The following CEMIP variants were observed in gnomAD, a reference collection of about 807,000 sequenced individuals.
CEMIP encodes the protein cell migration inducing hyaluronidase 1, also known as cell migration-inducing and hyaluronan-binding protein.
CEMIP carries 105 observed loss-of-function variants against 156.9 expected under a neutral mutation model. The ratio of observed to expected loss-of-function variants is 0.67; its 90% CI spans 0.57 to 0.79. The LOEUF (loss-of-function observed/expected upper bound fraction) is 0.79. CEMIP is among the 30% of genes least tolerant of loss of function. The pLI, the probability that CEMIP is intolerant of heterozygous loss-of-function variation, is 0.00. For missense variants in CEMIP, 1,457 were observed against 1,769.4 expected (o/e 0.82, Z 3.17); for synonymous variants, 676 against 668.4 (o/e 1.01, Z -0.17).
At chr15:80,781,094 C>A (rs1171582165) in intron 1 of CEMIP, among the ~76,000 whole-genome samples, 3 of 152,138 alleles carry the variant, frequency 2.0e-5, no homozygotes, top group Non-Finnish European at 4.4e-5. Context: ...CCCTGAGAAT[C>A]CGACCCAGGC....
chr15:80,872,591 G>A (rs1898333288), intron 1 of CEMIP, among the ~76,000 whole-genome samples: 1 of 152,188 alleles, frequency 6.6e-6, no homozygotes, highest in Non-Finnish European at 1.5e-5. Context: ...AACACTTTGG[G>A]ATCACTTGAG....
chr15:80,809,770 G>T (rs920639096), intron 1 of CEMIP, among the ~76,000 whole-genome samples: 1 of 152,216 alleles, frequency 6.6e-6, no homozygotes, highest in Non-Finnish European at 1.5e-5. Context: ...TTCCATGTTT[G>T]TTGTTAGCTG....
At chr15:80,911,504 T>C (rs967929713) in intron 14 of CEMIP, among the ~76,000 whole-genome samples, 1 of 149,442 alleles carries the variant, frequency 6.7e-6, no homozygotes, top group African/African-American at 2.5e-5. Flanking sequence ...ATGGAAGCTG[T>C]TGTGAATCTC....
chr15:80,893,147 A>C (rs1477516302), intron 10 of CEMIP, among the ~76,000 whole-genome samples: 2 of 152,082 alleles, frequency 1.3e-5, no homozygotes. Context: ...GCGCCATTGT[A>C]CTCCAGCCTG....
chr15:80,815,743 A>T (rs890907107), intron 1 of CEMIP, among the ~76,000 whole-genome samples: 2 of 152,228 alleles, frequency 1.3e-5, no homozygotes, highest in South Asian at 4.1e-4. Context: ...TTATTTGGAA[A>T]GCCAAAGAAA....
intron 7 of CEMIP, among the ~76,000 whole-genome samples, chr15:80,885,923 G>A (rs745735238): frequency 2.5e-4 from 38 of 152,188 alleles, no homozygotes; most frequent in Non-Finnish European, 4.4e-4. Context: ...GGAATTACAC[G>A]TCCACACCTC....
At chr15:80,783,286 A>G (rs1895843768) in intron 1 of CEMIP, among the ~76,000 whole-genome samples, 1 of 152,250 alleles carries the variant, frequency 6.6e-6, no homozygotes, top group African/African-American at 2.4e-5. Context: ...CTAAATGGGA[A>G]CAAAGTTGTA....
chr15:80,779,916 C>T (rs986692726), intron 1 of CEMIP, among the ~76,000 whole-genome samples: 8 of 151,900 alleles, frequency 5.3e-5, no homozygotes, highest in African/African-American at 1.5e-4. Context: ...CCAGAGGGGG[C>T]AGACTCCTGC....
chr15:80,808,720 T>TAA (rs1008240694), intron 1 of CEMIP, among the ~76,000 whole-genome samples: 2 of 123,262 alleles, frequency 1.6e-5, no homozygotes, highest in East Asian at 4.6e-4. Context: ...CACTCCACAA[T>TAA]AAAAAAAAAA....
At position 80,941,862 on chromosome 15, in the gene CEMIP, A is replaced by T; in HGVS notation, c.3421A>T (p.Lys1141Ter). 1 of 1,613,648 alleles carries T rather than the reference A, an allele frequency of 6.2e-7. No individual in the cohort carries two copies. Among genetic ancestry groups the T allele is most frequent in the Non-Finnish European group, 8.5e-7 (1 of 1,179,948 alleles). ...CCTTGTGTGCAGGCTGTTGTTCCTGAAGCTGAAAGCTCAGAACGAGAGAGA... is the reference window on the plus strand; with the variant it reads ...CCTTGTGTGCAGGCTGTTGTTCCTGTAGCTGAAAGCTCAGAACGAGAGAGA... ...WDEDSGLLFL[K>*]LKAQNEREKF... is the part of the protein sequence containing the mutation. The change falls in exon 26 of 30, where the codon AAG (lysine) becomes TAG (stop). Residue 1141 changes from lysine to a stop codon, truncating the protein, a stop_gained. Coordinates refer to ENST00000394685, the MANE Select transcript of CEMIP (RefSeq NM_001293298.2). LOFTEE classifies it high-confidence loss of function.
intron 12 of CEMIP, among the ~76,000 whole-genome samples, chr15:80,900,650 CTGTGTG>C: frequency 1.2e-5 from 1 of 84,618 alleles, no homozygotes; most frequent in Admixed American, 1.2e-4. Flanking sequence ...GTGTGTGTGT[CTGTGTG>C]TGTGTCTGTG....
intron 19 of CEMIP, among the ~76,000 whole-genome samples, chr15:80,926,819 T>TTGG (rs1555436824): frequency 8.6e-5 from 2 of 23,302 alleles, no homozygotes; most frequent in Non-Finnish European, 2.5e-4. Context: ...ACTGAGCGGG[T>TTGG]GGGGGGGGGG....
intron 1 of CEMIP, among the ~76,000 whole-genome samples, chr15:80,860,418 C>T (rs954964728): frequency 6.6e-6 from 1 of 152,214 alleles, no homozygotes; most frequent in Non-Finnish European, 1.5e-5. Context: ...CGGGCCCACA[C>T]AGTCTGAGAT....
chr15:80,935,841 C>G (rs10220818), intron 23 of CEMIP, among the ~76,000 whole-genome samples: 5 of 151,994 alleles, frequency 3.3e-5, no homozygotes, highest in Non-Finnish European at 7.4e-5. Context: ...CAGGTTCAAG[C>G]GATTCTCCTG....
rs546040204 is a variant in CEMIP at position 80,943,201 on chromosome 15, C to T, written c.3857+99C>T. On this transcript the variant is annotated intron_variant, in intron 28 of 29. Transcript: ENST00000394685. The stretch of plus-strand genomic sequence containing the variant: ...ACAAAGGCCCTCATCACAGATCAGT[C>T]TGGAAAAGCTCAGGCAGTCTCCACA... 4 of 1,340,084 alleles carry T rather than the reference C, an allele frequency of 3.0e-6. No individual in the cohort carries two copies. The Admixed American group carries it at 6.7e-5, about 22-fold the overall frequency. The allele number at this position is 1,340,084 out of a possible 1,614,324, so 83.0% of individuals were successfully genotyped here. A position where few individuals can be genotyped will look rare whatever the true frequency, so the allele number is the denominator to read the frequency against.
chr15:80,853,669 G>GCT (rs1897767920), intron 1 of CEMIP, among the ~76,000 whole-genome samples: 1 of 152,144 alleles, frequency 6.6e-6, no homozygotes, highest in Admixed American at 6.5e-5. Flanking sequence ...GATTCCAAGG[G>GCT]CTCTAGAACA....
At position 80,943,038 on chromosome 15, in the gene CEMIP, A is replaced by G. The variant is rs760700827; in HGVS notation, c.3793A>G (p.Arg1265Gly). ...QGRVVSHTSF[R>G]NSILQGIPWQ... ...GCGCGTGGTGAGCCACACGAGCTTCAGGAACTCCATTCTGCAAGGCATACC... is the reference window on the plus strand; with the variant it reads ...GCGCGTGGTGAGCCACACGAGCTTCGGGAACTCCATTCTGCAAGGCATACC... The change falls in exon 28 of 30, where the codon AGG (arginine) becomes GGG (glycine). Residue 1265 changes from arginine to glycine, a missense_variant. Arg to Gly is a moderately radical substitution (Grantham distance 125). Coordinates refer to ENST00000394685, the MANE Select transcript of CEMIP (RefSeq NM_001293298.2). The G allele has an allele frequency of 7.4e-6, 12 of 1,614,136 alleles. No individual in the cohort carries two copies. The highest frequency in any genetic ancestry group is 1.0e-5 in the Non-Finnish European group (12 of 1,180,058).
chr15:80,858,987 T>C (rs1897920659), intron 1 of CEMIP, among the ~76,000 whole-genome samples: 1 of 152,220 alleles, frequency 6.6e-6, no homozygotes, highest in Non-Finnish European at 1.5e-5. Context: ...AGAGAGGCTC[T>C]CTCAATATAG....
At chr15:80,879,587 G>A (rs1898574680) in intron 4 of CEMIP, 129 bp from the exon 5 acceptor site, 3 of 1,065,830 alleles carry the variant, frequency 2.8e-6, no homozygotes, top group South Asian at 2.6e-5. Flanking sequence ...GCATAGGAAT[G>A]TTTGGAAGAT....
Sources: gnomAD v4.1 joint callset for allele counts (sites outside exome capture counted in the v4.1 genomes callset) on GRCh38, gnomAD v4.1.1 for gene constraint, MANE v1.5 for transcripts, NCBI Gene and HGNC (gene_info 2026-07-23, HGNC 2026-07-21) for gene names.